The following DYSF variants were observed in gnomAD, a reference collection of about 807,000 sequenced individuals.
The protein encoded by DYSF is dysferlin.
In DYSF, 212 loss-of-function variants were observed where a neutral mutation model predicts 274.9. That is an observed-to-expected ratio of 0.77 (90% CI 0.69 to 0.86). The LOEUF (loss-of-function observed/expected upper bound fraction) is 0.86, where lower values mean the gene tolerates loss of function less well. Among genes scored for constraint, DYSF ranks in the 40% least tolerant of loss-of-function variants. The pLI is 0.00. For synonymous variants in DYSF, 1,091 were observed against 1,078.7 expected (o/e 1.01, Z -0.22); for missense variants, 2,666 against 2,783.2 (o/e 0.96, Z 0.95).
Position 71,528,374 on chromosome 2 carries a change from T to A in DYSF, c.1353T>A (p.Phe451Leu). ...ESNKKNLVDP[F>L]VEVSFAGKML... is the part of the protein sequence containing the mutation. ...ACAAGAAGAACTTGGTGGACCCCTT[T>A]GTGGAGGTCAGCTTTGCGGGGAAAA... Residue 451 changes from phenylalanine (F) to leucine (L), a missense_variant, in exon 14 of 56, where the codon TTT becomes TTA. By Grantham distance (22) the Phe-to-Leu change is conservative. Around this residue, in one of 3 missense-constraint regions of DYSF, gnomAD observed 794 missense variants for 777.1 expected, o/e 1.02. Coordinates refer to ENST00000410020, the MANE Select transcript of DYSF (RefSeq NM_001130987.2). 1 of 1,614,140 alleles carries A rather than the reference T, an allele frequency of 6.2e-7. No homozygotes were observed. The highest frequency in any genetic ancestry group is 2.2e-5 in the East Asian group (1 of 44,884).
At chr2:71,570,998 C>G in intron 29 of DYSF, 1 of 529,826 alleles carries the variant, frequency 1.9e-6, no homozygotes, top group Non-Finnish European at 3.4e-6. Flanking sequence ...ACAGATCACA[C>G]TGGGAACACC....
At chr2:71,492,869 G>A (rs1410108370) in intron 3 of DYSF, among the ~76,000 whole-genome samples, 4 of 151,912 alleles carry the variant, frequency 2.6e-5, no homozygotes, top group African/African-American at 9.7e-5. Context: ...TTAACACGAT[G>A]CCATACTTTT....
chr2:71,607,256 C>G (rs1357732207), intron 36 of DYSF, among the ~76,000 whole-genome samples: 1 of 152,112 alleles, frequency 6.6e-6, no homozygotes, highest in Non-Finnish European at 1.5e-5. Flanking sequence ...CCACTGAGCT[C>G]CAAGCCTCAA....
chr2:71,590,556 C>T (rs2093232950), intron 32 of DYSF, among the ~76,000 whole-genome samples: 1 of 152,116 alleles, frequency 6.6e-6, no homozygotes, highest in South Asian at 2.1e-4. Flanking sequence ...TCTGGAGGGT[C>T]CCTGCAGCCT....
intron 4 of DYSF, among the ~76,000 whole-genome samples, chr2:71,505,836 C>T (rs1322540260): frequency 6.6e-6 from 1 of 152,234 alleles, no homozygotes; most frequent in Non-Finnish European, 1.5e-5. Flanking sequence ...AAGCCAGAAT[C>T]GGATCACAAA....
chr2:71,608,596 C>T (rs1019191581), intron 36 of DYSF, among the ~76,000 whole-genome samples: 1 of 152,180 alleles, frequency 6.6e-6, no homozygotes. Context: ...CTGCCTTCTT[C>T]CTCCAGGGCC....
intron 30 of DYSF, among the ~76,000 whole-genome samples, chr2:71,579,856 C>T (rs780394051): frequency 2.6e-5 from 4 of 152,200 alleles, no homozygotes; most frequent in South Asian, 4.1e-4. Context: ...CAGCCATTGA[C>T]GGTTTGATCA....
intron 12 of DYSF, among the ~76,000 whole-genome samples, chr2:71,525,179 G>T (rs2087722649): frequency 6.6e-6 from 1 of 151,976 alleles, no homozygotes; most frequent in African/African-American, 2.4e-5. Context: ...TTGGTCTAGG[G>T]TGTGACCTGG....
intron 48 of DYSF, 128 bp from the exon 49 acceptor site, chr2:71,668,626 A>G (rs1219635702): frequency 1.2e-6 from 1 of 845,504 alleles, no homozygotes; most frequent in Non-Finnish European, 1.9e-6. Context: ...TGTTTAGGGC[A>G]GTGAGGCTTT....
Position 71,613,422 on chromosome 2 carries a change from A to G in DYSF, c.4464+12A>G. 1 of 1,609,816 alleles carries G rather than the reference A, an allele frequency of 6.2e-7. No individual in the cohort carries two copies. The highest frequency in any genetic ancestry group is 8.5e-7 in the Non-Finnish European group (1 of 1,177,812). Reference sequence around the variant, plus strand: ...TCATCCCCATCCAGGTAGGATGGGCATCCTCCAGGGAGGCCTGGGTCACCT... The same window carrying G: ...TCATCCCCATCCAGGTAGGATGGGCGTCCTCCAGGGAGGCCTGGGTCACCT... On this transcript the variant is annotated intron_variant, in intron 40 of 55. Coordinates refer to ENST00000410020, the MANE Select transcript of DYSF (RefSeq NM_001130987.2).
chr2:71,670,394 G>T (rs1029296842), intron 51 of DYSF, among the ~76,000 whole-genome samples: 1 of 152,262 alleles, frequency 6.6e-6, no homozygotes, highest in Non-Finnish European at 1.5e-5. Flanking sequence ...AAGAAGGCCA[G>T]TCTGGCCTAT....
chr2:71,574,247 T>A lies in DYSF; in HGVS notation c.3278T>A (p.Phe1093Tyr). ...EGEGWEYASLFGWKFHLEYRK... is the reference protein window; with the variant it reads ...EGEGWEYASLYGWKFHLEYRK... Reference sequence around the variant, plus strand: ...GAGGGCTGGGAGTACGCCTCTCTTTTTGGCTGGAAGTTCCACCTCGAGTAC... The same window carrying A: ...GAGGGCTGGGAGTACGCCTCTCTTTATGGCTGGAAGTTCCACCTCGAGTAC... The change falls in exon 30 of 56, where the codon TTT (phenylalanine) becomes TAT (tyrosine). Residue 1093 changes from phenylalanine (F) to tyrosine (Y), a missense_variant. This residue lies in a region of DYSF where 1,460 missense variants were observed against 1,502.1 expected (regional missense o/e 0.97). Transcript: ENST00000410020. The A allele has an allele frequency of 1.2e-6, 2 of 1,614,056 alleles. No homozygotes were observed. Among genetic ancestry groups the A allele is most frequent in the Non-Finnish European group, 1.7e-6 (2 of 1,180,026 alleles).
chr2:71,489,496 T>C (rs1032456455), intron 3 of DYSF, among the ~76,000 whole-genome samples: 1 of 152,252 alleles, frequency 6.6e-6, no homozygotes, highest in Admixed American at 6.5e-5. Context: ...TAGGGCCATC[T>C]CTGAGCCTGG....
intron 7 of DYSF, 36 bp from the exon 8 acceptor site, chr2:71,515,587 C>A (rs374137932): frequency 1.2e-6 from 2 of 1,613,884 alleles, no homozygotes; most frequent in South Asian, 2.2e-5. Flanking sequence ...TAACTCTTCC[C>A]CCTTCCTCCT....
chr2:71,623,958 A>G (rs868590065), intron 41 of DYSF, among the ~76,000 whole-genome samples: 1 of 152,154 alleles, frequency 6.6e-6, no homozygotes. Flanking sequence ...AGTCCCAGCT[A>G]TTCAGGAGGC....
chr2:71,632,329 A>C (rs747948504), intron 41 of DYSF, among the ~76,000 whole-genome samples: 26 of 152,350 alleles, frequency 1.7e-4, no homozygotes, highest in Non-Finnish European at 3.1e-4. Context: ...AATTAGCAAC[A>C]AGTTCAAAAT....
At chr2:71,653,628 G>T (rs1379677231) in intron 42 of DYSF, among the ~76,000 whole-genome samples, 1 of 138,486 alleles carries the variant, frequency 7.2e-6, no homozygotes, top group African/African-American at 2.7e-5. Context: ...CATGGACACA[G>T]GAAGGGGAAC....
intron 36 of DYSF, among the ~76,000 whole-genome samples, chr2:71,607,920 A>C (rs2093675035): frequency 6.6e-6 from 1 of 152,172 alleles, no homozygotes; most frequent in Non-Finnish European, 1.5e-5. Context: ...GGGAGCAGAA[A>C]GTCTAGGAGA....
rs2093578019 is a variant in DYSF at position 71,602,823 on chromosome 2, G to GT, written c.3957+20dup. On this transcript the variant is annotated intron_variant, in intron 36 of 55. Coordinates refer to ENST00000410020, the MANE Select transcript of DYSF (RefSeq NM_001130987.2). ...TGGATGAGGTGAGCTGGGCGTGGTG[G>GT]TTGGGATGGGTGGGCCGAGGTAGAG... 6.2e-7 allele frequency: 1 copy of GT among 1,612,464 alleles called. No homozygotes were observed. The highest frequency in any genetic ancestry group is 8.5e-7 in the Non-Finnish European group (1 of 1,179,836).
Sources: allele counts gnomAD v4.1 joint callset (sites outside exome capture counted in the v4.1 genomes callset), GRCh38; gene constraint gnomAD v4.1.1; regional missense constraint gnomAD v4.1.1; transcripts MANE v1.5; gene names NCBI Gene and HGNC (gene_info 2026-07-23, HGNC 2026-07-21).